The following HTR4 variants were observed in gnomAD, a reference collection of about 807,000 sequenced individuals.
The protein encoded by HTR4 is 5-hydroxytryptamine receptor 4, also known as 5-hydroxytryptamine (serotonin) receptor 4, G protein-coupled.
HTR4 carries 16 observed loss-of-function variants against 36.8 expected under a neutral mutation model. The observed-to-expected ratio is 0.43, with a 90% CI of 0.29 to 0.66. HTR4 has a LOEUF of 0.66. Ranked by LOEUF, HTR4 falls within the 30% of genes least tolerant of loss-of-function variation. The pLI is 0.13. For synonymous variants in HTR4, 189 were observed against 185.1 expected, an observed-to-expected ratio of 1.02 and a Z score of -0.17; for missense variants, 438 against 490.9, an observed-to-expected ratio of 0.89 and a Z score of 1.02.
intron 6 of HTR4, among the ~76,000 whole-genome samples, chr5:148,485,008 A>G (rs1336660730): frequency 6.6e-6 from 1 of 152,170 alleles, no homozygotes; most frequent in African/African-American, 2.4e-5. Flanking sequence ...GAGAGAAGGA[A>G]GAAAGGGAAG....
At chr5:148,607,295 G>T (rs1405521790) in intron 2 of HTR4, among the ~76,000 whole-genome samples, 1 of 152,110 alleles carries the variant, frequency 6.6e-6, no homozygotes, top group African/African-American at 2.4e-5. Context: ...AAAATGTAGT[G>T]GGCACAGACT....
chr5:148,550,563 T>C (rs1261917719), intron 2 of HTR4, among the ~76,000 whole-genome samples: 2 of 152,220 alleles, frequency 1.3e-5, no homozygotes, highest in Admixed American at 6.5e-5. Context: ...ACATATGTAG[T>C]TGATGCCTGT....
downstream of HTR4, among the ~76,000 whole-genome samples, chr5:148,475,097 C>T (rs561789775): frequency 2.0e-5 from 3 of 151,966 alleles, no homozygotes; most frequent in East Asian, 5.8e-4. Context: ...ATAAAATGGG[C>T]ATTATATACA....
chr5:148,460,769 T>G (rs1354781231), intron 5 of HTR4, among the ~76,000 whole-genome samples: 1 of 152,128 alleles, frequency 6.6e-6, no homozygotes, highest in Non-Finnish European at 1.5e-5. Context: ...TTATTCTTAA[T>G]TGCTCAGGTA....
chr5:148,510,350 A>C (rs1455194505), intron 5 of HTR4, among the ~76,000 whole-genome samples: 1 of 152,214 alleles, frequency 6.6e-6, no homozygotes, highest in African/African-American at 2.4e-5. Flanking sequence ...GAGGAACTGA[A>C]GGCTCCAGGA....
downstream of HTR4, among the ~76,000 whole-genome samples, chr5:148,476,149 C>T (rs768879500): frequency 6.6e-6 from 1 of 152,208 alleles, no homozygotes; most frequent in African/African-American, 2.4e-5. Context: ...TACACTCTAG[C>T]CTGAATAACT....
chr5:148,592,497 T>A (rs943983896), intron 2 of HTR4, among the ~76,000 whole-genome samples: 6 of 152,206 alleles, frequency 3.9e-5, no homozygotes, highest in African/African-American at 1.4e-4. Context: ...GTCTGTACTG[T>A]TGCTGAAAAT....
chr5:148,654,176 G>A lies in HTR4; in HGVS notation c.-162C>T. 6.1e-6 allele frequency: 6 copies of A among 985,582 alleles called. No homozygotes were observed. Among genetic ancestry groups the A allele is most frequent in the Non-Finnish European group, 7.2e-6 (6 of 830,008 alleles). The allele number at this position is 985,582 out of a possible 1,614,324, so 61.1% of individuals were successfully genotyped here. A position where few individuals can be genotyped will look rare whatever the true frequency, so the allele number is the denominator to read the frequency against. ...CGCTGCGCTCCCAGCCGCTGCCTGCGCCCTCCCTGCCGCCCCCTCGGGTGC... is the reference window on the plus strand; with the variant it reads ...CGCTGCGCTCCCAGCCGCTGCCTGCACCCTCCCTGCCGCCCCCTCGGGTGC... On this transcript the variant is annotated 5_prime_UTR_variant, in exon 1 of 7. Transcript: ENST00000377888.
intron 5 of HTR4, among the ~76,000 whole-genome samples, chr5:148,517,647 A>C (rs78513186): frequency 7.1e-6 from 1 of 140,822 alleles, no homozygotes; most frequent in Admixed American, 7.2e-5. Flanking sequence ...AAAAAAAAAA[A>C]AAATCCTGTT....
At chr5:148,533,919 C>A (rs967703446) in intron 4 of HTR4, among the ~76,000 whole-genome samples, 4 of 152,094 alleles carry the variant, frequency 2.6e-5, no homozygotes, top group Non-Finnish European at 4.4e-5. Context: ...GAATTATGAG[C>A]TCTACATTAT....
At chr5:148,640,021 C>T (rs551930535) in intron 1 of HTR4, among the ~76,000 whole-genome samples, 1 of 152,256 alleles carries the variant, frequency 6.6e-6, no homozygotes, top group South Asian at 2.1e-4. Context: ...GTCCAACCTC[C>T]ATCCTATAGA....
chr5:148,653,825 G>C (rs368073425), intron 1 of HTR4, among the ~76,000 whole-genome samples: 22 of 152,260 alleles, frequency 1.4e-4, no homozygotes, highest in East Asian at 7.7e-4. Flanking sequence ...ACATACACAA[G>C]TGGAAAGCAC....
Position 148,481,585 on chromosome 5 carries a change from T to C in HTR4, c.*1618A>G. ...CATTTGGATGGTTTGGTCAATCTTC[T>C]CTTCCTTATTCCAAAGTTTCTTCCT... On this transcript the variant is annotated 3_prime_UTR_variant, in exon 7 of 7. Coordinates refer to ENST00000377888, the MANE Select transcript of HTR4 (RefSeq NM_000870.7). 1 of 1,520,282 alleles carries C rather than the reference T, an allele frequency of 6.6e-7. No individual in the cohort carries two copies. The highest frequency in any genetic ancestry group is 8.7e-7 in the Non-Finnish European group (1 of 1,143,070). The allele number at this position is 1,520,282 out of a possible 1,614,324, so 94.2% of individuals were successfully genotyped here. A position where few individuals can be genotyped will look rare whatever the true frequency, so the allele number is the denominator to read the frequency against.
intron 4 of HTR4, among the ~76,000 whole-genome samples, chr5:148,532,548 G>A (rs1758623472): frequency 6.6e-6 from 1 of 152,230 alleles, no homozygotes; most frequent in African/African-American, 2.4e-5. Flanking sequence ...TTCTTCAATA[G>A]CGGTTTTTTA....
At chr5:148,626,830 G>GA (rs1407899935) in intron 2 of HTR4, among the ~76,000 whole-genome samples, 2 of 152,130 alleles carry the variant, frequency 1.3e-5, no homozygotes, top group African/African-American at 4.8e-5. Context: ...GATATGATTA[G>GA]AATCCTCCCC....
intron 2 of HTR4, among the ~76,000 whole-genome samples, chr5:148,592,211 A>C (rs1761600108): frequency 6.6e-6 from 1 of 152,158 alleles, no homozygotes; most frequent in Non-Finnish European, 1.5e-5. Flanking sequence ...AGAAGGAAAC[A>C]ACAAACACTG....
At chr5:148,579,825 T>A (rs1761065862) in intron 2 of HTR4, among the ~76,000 whole-genome samples, 1 of 152,032 alleles carries the variant, frequency 6.6e-6, no homozygotes, top group African/African-American at 2.4e-5. Context: ...TTCCCACATA[T>A]CAAATCACTC....
intron 5 of HTR4, among the ~76,000 whole-genome samples, chr5:148,510,466 C>T (rs1158232058): frequency 6.6e-6 from 1 of 152,190 alleles, no homozygotes; most frequent in Non-Finnish European, 1.5e-5. Context: ...CATAACAGAT[C>T]AGTCTCTTAA....
Position 148,521,017 on chromosome 5 carries a change from A to G in HTR4, c.507+2176T>C. The G allele has an allele frequency of 1.5e-6, 2 of 1,366,644 alleles. 1 individual carries two copies. Among genetic ancestry groups the G allele is most frequent in the South Asian group, 2.3e-5 (2 of 87,840 alleles). 84.7% of individuals were successfully genotyped at this position (1,366,644 alleles called of 1,614,324 possible). A position where few individuals can be genotyped will look rare whatever the true frequency, so the allele number is the denominator to read the frequency against. On this transcript the variant is annotated intron_variant, in intron 5 of 6. Coordinates refer to ENST00000377888, the MANE Select transcript of HTR4 (RefSeq NM_000870.7). Reference sequence around the variant, plus strand: ...GCTAAGAATGCGGTGAAAAGAGGAAAGGGCAGCTCCCTGTCTTGAGGGTCC... The same window carrying G: ...GCTAAGAATGCGGTGAAAAGAGGAAGGGGCAGCTCCCTGTCTTGAGGGTCC...
Sources: allele counts gnomAD v4.1 joint callset (sites outside exome capture counted in the v4.1 genomes callset), GRCh38; gene constraint gnomAD v4.1.1; transcripts MANE v1.5; gene names NCBI Gene and HGNC (gene_info 2026-07-23, HGNC 2026-07-21).